Variants in RADIL observed in about 807,000 individuals in gnomAD.
RADIL encodes the protein Rap associating with DIL domain, also known as ras-associating and dilute domain-containing protein.
In RADIL, 99 loss-of-function variants were observed where a neutral mutation model predicts 97.6. The observed-to-expected ratio is 1.01, with a 90% CI of 0.86 to 1.20. The LOEUF (loss-of-function observed/expected upper bound fraction) is 1.20. Among genes scored for constraint, RADIL ranks in the 50% most tolerant of loss-of-function variants. The probability of loss-of-function intolerance (pLI) is 0.00; values close to 1 mark genes in which losing one functional copy is unlikely to be tolerated. For synonymous variants in RADIL, 803 were observed against 691.8 expected (o/e 1.16, Z -2.52); for missense variants, 1,765 against 1,498.9 (o/e 1.18, Z -2.93).
Position 4,821,983 on chromosome 7 carries a change from C to T in RADIL, c.1615+411G>A, listed in dbSNP as rs958112008. ...TCTGGAATAACGGTGTGTCTCAGAA[C>T]GGGCGGCGGTCTCATGGCCGACGCT... On this transcript the variant is annotated intron_variant, in intron 6 of 14. Coordinates refer to ENST00000399583, the MANE Select transcript of RADIL (RefSeq NM_018059.5). This position sits in a 1 kb window ranked among gnomAD's most constrained non-coding sequence, Gnocchi z 5.2. Among the ~76,000 whole-genome samples the T allele has an allele frequency of 2.0e-5, 3 of 152,094 alleles. No homozygotes were observed. The highest frequency in any genetic ancestry group is 1.9e-4 in the East Asian group (1 of 5,188).
chr7:4,856,891 G>A lies in RADIL; in HGVS notation c.536-20286C>T, dbSNP rs539731473. 2.6e-5 allele frequency among the ~76,000 whole-genome samples: 4 copies of A among 152,362 alleles called. No homozygotes were observed. In the South Asian group the frequency reaches 8.3e-4, roughly 32 times the overall value. ...GGCCATCTGTTTACATATTGTCTAT[G>A]ACTGATTGCCCTCTACAAAGGCAGA... On this transcript the variant is annotated intron_variant, in intron 2 of 14. Coordinates refer to ENST00000399583, the MANE Select transcript of RADIL (RefSeq NM_018059.5).
rs574579153 is a variant in RADIL at position 4,857,147 on chromosome 7, A to T, written c.535+20458T>A. On this transcript the variant is annotated intron_variant, in intron 2 of 14. Transcript: ENST00000399583. ...TCTTTGTTATTTTATGTTGAGGCTG[A>T]GTTATTAGGTGCAGACAAGTTTTAA... Among the ~76,000 whole-genome samples, 5 of 152,334 alleles carry T rather than the reference A, an allele frequency of 3.3e-5. No homozygotes were observed. In the South Asian group the frequency reaches 1.0e-3, roughly 32 times the overall value.
chr7:4,830,102 A>G (rs1783099076), intron 5 of RADIL, among the ~76,000 whole-genome samples: 1 of 152,196 alleles, frequency 6.6e-6, no homozygotes, highest in Non-Finnish European at 1.5e-5. Flanking sequence ...TGTCTTAAAC[A>G]GGATGGCTTG....
At position 4,801,873 on chromosome 7, in the gene RADIL, A is replaced by G; in HGVS notation, c.2622T>C (p.Ala874=). 6.3e-7 allele frequency: 1 copy of G among 1,589,500 alleles called. No individual in the cohort carries two copies. The change falls in exon 12 of 15, where the codon GCT becomes GCC. Residue 874 remains alanine (A), a synonymous_variant. Coordinates refer to ENST00000399583, the MANE Select transcript of RADIL (RefSeq NM_018059.5). The stretch of plus-strand genomic sequence containing the variant: ...TTCCAGGGGGGGCCTGTGCCCAGGG[A>G]GCCCCCCTCAAGGGAAGAGTACGCT... ...APERTLPLRG[A]PWAQAPPGRQ...
intron 4 of RADIL, among the ~76,000 whole-genome samples, chr7:4,832,954 T>G (rs910326147): frequency 1.3e-5 from 2 of 152,066 alleles, no homozygotes; most frequent in African/African-American, 4.8e-5. Flanking sequence ...AGCGGAGGCT[T>G]CGGATTCCCA....
intron 4 of RADIL, among the ~76,000 whole-genome samples, chr7:4,833,398 A>G (rs1254351079): frequency 6.6e-6 from 1 of 152,150 alleles, no homozygotes; most frequent in Non-Finnish European, 1.5e-5. Flanking sequence ...CACACACTAC[A>G]GGGACATCAC....
At chr7:4,845,766 C>G (rs1783551182) in intron 2 of RADIL, among the ~76,000 whole-genome samples, 1 of 152,198 alleles carries the variant, frequency 6.6e-6, no homozygotes, top group Non-Finnish European at 1.5e-5. Context: ...ATCGCGCTCT[C>G]TGAAAAGCAA....
Position 4,867,189 on chromosome 7 carries a change from T to C in RADIL, c.535+10416A>G, listed in dbSNP as rs1453803930. Among the ~76,000 whole-genome samples, 2 of 152,010 alleles carry C rather than the reference T, an allele frequency of 1.3e-5. No individual in the cohort carries two copies. Among genetic ancestry groups the C allele is most frequent in the East Asian group, 3.9e-4 (2 of 5,170 alleles). Reference sequence around the variant, plus strand: ...TGGACTAAAGCAGAGCCTAAAGGTGTTGAGGGGCACACAGGCACACGAGGC... The same window carrying C: ...TGGACTAAAGCAGAGCCTAAAGGTGCTGAGGGGCACACAGGCACACGAGGC... On this transcript the variant is annotated intron_variant, in intron 2 of 14. Transcript: ENST00000399583. This position sits in a 1 kb window ranked among gnomAD's most constrained non-coding sequence, Gnocchi z 4.1.
intron 10 of RADIL, chr7:4,805,263 AG>A (rs1221606005): frequency 2.4e-5 from 9 of 377,566 alleles, no homozygotes; most frequent in Non-Finnish European, 3.8e-5. Context: ...GCCATACAAC[AG>A]GGGAGGCCCC....
Position 4,832,194 on chromosome 7 carries a change from G to T in RADIL, c.1417-16C>A, listed in dbSNP as rs747343223. ...TGGTTTTCTCCTACAATTACAAAGC[G>T]GGAGAAAAAGCAAGTGAGCAAAACA... On this transcript the variant is annotated splice_polypyrimidine_tract_variant and intron_variant, in intron 4 of 14. Transcript: ENST00000399583. The T allele has an allele frequency of 6.2e-7, 1 of 1,609,206 alleles. No homozygotes were observed. The highest frequency in any genetic ancestry group is 1.1e-5 in the South Asian group (1 of 90,240).
At chr7:4,809,230 AGG>A (rs1562430676) in intron 9 of RADIL, 1 of 985,036 alleles carries the variant, frequency 1.0e-6, no homozygotes, top group African/African-American at 1.8e-5. Flanking sequence ...CATCTCCCGC[AGG>A]GGCGCTCGGG....
At position 4,815,644 on chromosome 7, in the gene RADIL, G is replaced by A. The variant is rs10227543; in HGVS notation, c.1967-194C>T. Among the ~76,000 whole-genome samples, 1,674 of 152,264 alleles carry A rather than the reference G, an allele frequency of 0.011. 27 individuals are homozygous for A. The highest frequency in any genetic ancestry group is 0.034 in the African/African-American group (1,428 of 41,552). Reference sequence around the variant, plus strand: ...GAACCCCTCTCTGGAGCGGGGGTACGGTGGGAGGTGAACGTAGCAGGGCAG... The same window carrying A: ...GAACCCCTCTCTGGAGCGGGGGTACAGTGGGAGGTGAACGTAGCAGGGCAG... On this transcript the variant is annotated intron_variant, in intron 8 of 14. Coordinates refer to ENST00000399583, the MANE Select transcript of RADIL (RefSeq NM_018059.5). This position sits in a 1 kb window ranked among gnomAD's most constrained non-coding sequence, Gnocchi z 8.0.
intron 2 of RADIL, among the ~76,000 whole-genome samples, chr7:4,850,216 TAAAA>T (rs34276261): frequency 2.3e-5 from 2 of 88,068 alleles, no homozygotes; most frequent in African/African-American, 4.2e-5. Flanking sequence ...ACGATCCCTT[TAAAA>T]AAAAAAAAAA....
At chr7:4,801,043 G>GCCATGCACACATGTGCAAGCATGC (rs1488255017) in intron 12 of RADIL, among the ~76,000 whole-genome samples, 27 of 152,176 alleles carry the variant, frequency 1.8e-4, no homozygotes, top group Non-Finnish European at 2.8e-4. Flanking sequence ...TATACTCACA[G>GCCATGCACACATGTGCAAGCATGC]CCATGCACAC....
intron 9 of RADIL, among the ~76,000 whole-genome samples, chr7:4,807,858 TG>T (rs1562429455): frequency 6.1e-5 from 1 of 16,334 alleles, no homozygotes. Context: ...CTCCCCTCCC[TG>T]CCTCTCTCTC....
At chr7:4,811,906 T>C (rs1230357864) in intron 9 of RADIL, among the ~76,000 whole-genome samples, 1 of 150,846 alleles carries the variant, frequency 6.6e-6, no homozygotes, top group Non-Finnish European at 1.5e-5. Flanking sequence ...CAAGGTCTCA[T>C]TTCTGACGTC....
intron 13 of RADIL, among the ~76,000 whole-genome samples, 156 bp downstream of exon 13, chr7:4,800,015 G>A (rs571798574): frequency 1.3e-5 from 2 of 152,308 alleles, no homozygotes; most frequent in East Asian, 1.9e-4. Flanking sequence ...CGTTGGACAG[G>A]CTGGGTTCCC....
At chr7:4,853,154 G>A (rs576047754) in intron 2 of RADIL, among the ~76,000 whole-genome samples, 5 of 152,306 alleles carry the variant, frequency 3.3e-5, no homozygotes, top group African/African-American at 1.2e-4. Flanking sequence ...AGGGCAGGCT[G>A]TGGCAGCCAG....
Position 4,817,411 on chromosome 7 carries a change from C to T in RADIL, c.1616-60G>A. ...GGCACAGCGCTCAGGAACGCAGCAACTCAGCCAGCCGCCAGCTCTTTCCCT... is the reference window on the plus strand; with the variant it reads ...GGCACAGCGCTCAGGAACGCAGCAATTCAGCCAGCCGCCAGCTCTTTCCCT... On this transcript the variant is annotated intron_variant, in intron 6 of 14. Coordinates refer to ENST00000399583, the MANE Select transcript of RADIL (RefSeq NM_018059.5). This position sits in a 1 kb window ranked among gnomAD's most constrained non-coding sequence, Gnocchi z 8.3. 7 of 1,456,694 alleles carry T rather than the reference C, an allele frequency of 4.8e-6. No homozygotes were observed. The South Asian group carries it at 7.4e-5, about 15-fold the overall frequency. 90.2% of individuals were successfully genotyped at this position (1,456,694 alleles called of 1,614,324 possible).
Sources: gnomAD v4.1 joint callset for allele counts (sites outside exome capture counted in the v4.1 genomes callset) on GRCh38, gnomAD v4.1.1 for gene constraint, Gnocchi (gnomAD v3.1) non-coding constraint, MANE v1.5 for transcripts, NCBI Gene and HGNC (gene_info 2026-07-23, HGNC 2026-07-21) for gene names.